The following FUT9 variants were observed in gnomAD, a reference collection of about 807,000 sequenced individuals.
The protein encoded by FUT9 is fucosyltransferase 9, also known as 4-galactosyl-N-acetylglucosaminide 3-alpha-L-fucosyltransferase 9.
A neutral mutation model predicts 29.7 loss-of-function variants in FUT9; 15 were observed. The ratio of observed to expected loss-of-function variants is 0.51; its 90% CI spans 0.34 to 0.78. The LOEUF (loss-of-function observed/expected upper bound fraction) is 0.78, where lower values mean the gene tolerates loss of function less well. Ranked by LOEUF, FUT9 falls within the 30% of genes least tolerant of loss-of-function variation. The pLI is 0.01. For missense variants in FUT9, 319 were observed against 425.4 expected, an observed-to-expected ratio of 0.75 and a Z score of 2.20; for synonymous variants, 169 against 153.7, an observed-to-expected ratio of 1.10 and a Z score of -0.74.
intron 2 of FUT9, among the ~76,000 whole-genome samples, chr6:96,144,564 G>A (rs960757225): frequency 1.1e-4 from 17 of 152,178 alleles, no homozygotes; most frequent in African/African-American, 3.4e-4. Context: ...GGGCTATAAA[G>A]GAGGAAATCT....
chr6:96,069,320 CAA>C (rs66913347), intron 1 of FUT9, among the ~76,000 whole-genome samples: 183 of 146,108 alleles, frequency 1.3e-3, no homozygotes, highest in African/African-American at 4.0e-3. Flanking sequence ...GACTCCATCT[CAA>C]AAAAAAAAAA....
At chr6:96,075,158 G>T (rs752287605) in intron 1 of FUT9, among the ~76,000 whole-genome samples, 1 of 152,060 alleles carries the variant, frequency 6.6e-6, no homozygotes, top group East Asian at 1.9e-4. Flanking sequence ...GTGTGTGTGT[G>T]TATTTCTGCT....
chr6:96,168,279 G>T (rs1439123279), intron 2 of FUT9, among the ~76,000 whole-genome samples: 3 of 152,170 alleles, frequency 2.0e-5, no homozygotes, highest in African/African-American at 7.2e-5. Context: ...GGAGTGATCT[G>T]CTCTGGAGAT....
chr6:96,058,803 A>G (rs1770822440), intron 1 of FUT9, among the ~76,000 whole-genome samples: 1 of 152,094 alleles, frequency 6.6e-6, no homozygotes, highest in Non-Finnish European at 1.5e-5. Context: ...TAGTGATGAT[A>G]TTATCTGTAC....
chr6:96,198,350 G>T (rs1411062193), intron 2 of FUT9, among the ~76,000 whole-genome samples: 1 of 146,914 alleles, frequency 6.8e-6, no homozygotes, highest in Non-Finnish European at 1.5e-5. Flanking sequence ...TCCCATCTAT[G>T]AGTGAGAATA....
intron 1 of FUT9, among the ~76,000 whole-genome samples, chr6:96,035,567 A>G (rs1390322949): frequency 6.8e-6 from 1 of 147,906 alleles, no homozygotes; most frequent in Non-Finnish European, 1.5e-5. Flanking sequence ...TTGAAGATCA[A>G]TGTAATATTT....
At position 96,208,526 on chromosome 6, in the gene FUT9, G is replaced by A. The variant is rs1396445261; in HGVS notation, c.*4291G>A. 6.0e-6 allele frequency: 1 copy of A among 166,798 alleles called. No individual in the cohort carries two copies. The highest frequency in any genetic ancestry group is 2.4e-5 in the African/African-American group (1 of 41,430). 10.3% of individuals were successfully genotyped at this position (166,798 alleles called of 1,614,324 possible). On this transcript the variant is annotated 3_prime_UTR_variant, in exon 3 of 3. Coordinates refer to ENST00000302103, the MANE Select transcript of FUT9 (RefSeq NM_006581.4). ...ATACATGAATGTGATAAGTGGTCCT[G>A]TAAAATATTTTTTAAGAGTAGTGAC...
chr6:96,082,983 A>C (rs1771262461), intron 1 of FUT9, among the ~76,000 whole-genome samples: 1 of 151,988 alleles, frequency 6.6e-6, no homozygotes, highest in Non-Finnish European at 1.5e-5. Flanking sequence ...GTTCTTCAAA[A>C]ATTTTTTTAG....
rs1375193989 is a variant in FUT9, at chr6:96,203,611, T to C, written c.456T>C (p.Phe152=). The change falls in exon 3 of 3, where the codon TTT becomes TTC. Residue 152 remains phenylalanine, a synonymous_variant. Transcript: ENST00000302103. The stretch of plus-strand genomic sequence containing the variant: ...AAAAGAGTGGCATTGAGCACTTGTT[T>C]AACCTGACTCTGACTTACCGCCGTG... ...TPQKSGIEHL[F]NLTLTYRRDS... 1 of 1,613,914 alleles carries C rather than the reference T, an allele frequency of 6.2e-7. No individual in the cohort carries two copies. The highest frequency in any genetic ancestry group is 1.3e-5 in the African/African-American group (1 of 74,902).
intron 1 of FUT9, among the ~76,000 whole-genome samples, chr6:96,019,816 T>C (rs976167959): frequency 1.3e-5 from 2 of 152,080 alleles, no homozygotes; most frequent in African/African-American, 4.8e-5. Context: ...TAGAGAACAT[T>C]CCATTTCTGT....
intron 2 of FUT9, among the ~76,000 whole-genome samples, chr6:96,123,851 C>A (rs759596254): frequency 6.6e-6 from 1 of 151,858 alleles, no homozygotes; most frequent in Non-Finnish European, 1.5e-5. Context: ...ATGCCAAGGG[C>A]TTTTCATGAG....
At position 96,189,617 on chromosome 6, in the gene FUT9, T is replaced by C. The variant is rs546488034; in HGVS notation, c.-8-13531T>C. 7.3e-3 allele frequency among the ~76,000 whole-genome samples: 1,107 copies of C among 152,266 alleles called. 13 individuals are homozygous for C. Among genetic ancestry groups the C allele is most frequent in the Middle Eastern group, 0.01 (3 of 294 alleles). On this transcript the variant is annotated intron_variant, in intron 2 of 2. Coordinates refer to ENST00000302103, the MANE Select transcript of FUT9 (RefSeq NM_006581.4). ...GTATTGGGTGCATATGTATTTAGGATAGTTAGCTCTTCTTGTTGAATTGAT... is the reference window on the plus strand; with the variant it reads ...GTATTGGGTGCATATGTATTTAGGACAGTTAGCTCTTCTTGTTGAATTGAT...
chr6:96,180,337 A>G (rs1378592655), intron 2 of FUT9, among the ~76,000 whole-genome samples: 16 of 152,066 alleles, frequency 1.1e-4, no homozygotes, highest in Non-Finnish European at 5.9e-5. Flanking sequence ...GATGTTGCCC[A>G]AAAGTTTCAC....
At chr6:96,064,400 A>G (rs571208495) in intron 1 of FUT9, among the ~76,000 whole-genome samples, 4 of 152,090 alleles carry the variant, frequency 2.6e-5, no homozygotes, top group Non-Finnish European at 4.4e-5. Flanking sequence ...TCATCACCCC[A>G]TACTGGCAAT....
intron 2 of FUT9, among the ~76,000 whole-genome samples, chr6:96,116,763 T>A (rs141779137): frequency 6.6e-6 from 1 of 152,230 alleles, no homozygotes; most frequent in East Asian, 1.9e-4. Flanking sequence ...GGGAAGCAGA[T>A]CAGTGGTTGC....
intron 2 of FUT9, among the ~76,000 whole-genome samples, chr6:96,118,981 T>G (rs1232715381): frequency 6.6e-6 from 1 of 152,234 alleles, no homozygotes; most frequent in African/African-American, 2.4e-5. Flanking sequence ...TGTTTTAAGC[T>G]GTGTTATTAT....
intron 2 of FUT9, among the ~76,000 whole-genome samples, chr6:96,177,382 C>T (rs1002862553): frequency 2.0e-5 from 3 of 151,962 alleles, no homozygotes; most frequent in South Asian, 2.1e-4. Flanking sequence ...AATGTAGTTA[C>T]ATGTTATGTT....
intron 1 of FUT9, among the ~76,000 whole-genome samples, chr6:96,049,658 G>A (rs1478418518): frequency 6.6e-6 from 1 of 152,148 alleles, no homozygotes; most frequent in Non-Finnish European, 1.5e-5. Flanking sequence ...AATTTACAGC[G>A]TCTGGAGTGA....
intron 1 of FUT9, among the ~76,000 whole-genome samples, chr6:96,097,052 C>T (rs1427494617): frequency 1.3e-5 from 2 of 152,072 alleles, no homozygotes; most frequent in African/African-American, 4.8e-5. Flanking sequence ...AATCATTTTC[C>T]ACGACTATCC....
Sources: gnomAD v4.1 joint callset for allele counts (sites outside exome capture counted in the v4.1 genomes callset) on GRCh38, gnomAD v4.1.1 for gene constraint, MANE v1.5 for transcripts, NCBI Gene and HGNC (gene_info 2026-07-23, HGNC 2026-07-21) for gene names.